The following MYO5A variants were observed in gnomAD, a reference collection of about 807,000 sequenced individuals.
The protein encoded by MYO5A is myosin VA, also known as unconventional myosin-Va.
A neutral mutation model predicts 249.7 loss-of-function variants in MYO5A; 98 were observed. The observed-to-expected ratio is 0.39, with a 90% CI of 0.33 to 0.46. MYO5A has a LOEUF of 0.46. Among genes scored for constraint, MYO5A ranks in the 20% least tolerant of loss-of-function variants. The pLI, the probability that MYO5A is intolerant of heterozygous loss-of-function variation, is 0.98. For missense variants in MYO5A, 1,696 were observed against 2,308.8 expected, an observed-to-expected ratio of 0.73 and a Z score of 5.44; for synonymous variants, 778 against 810.6, an observed-to-expected ratio of 0.96 and a Z score of 0.68.
intron 4 of MYO5A, among the ~76,000 whole-genome samples, chr15:52,421,166 G>A (rs1276045863): frequency 3.9e-5 from 6 of 152,154 alleles, no homozygotes; most frequent in Non-Finnish European, 8.8e-5. Flanking sequence ...TAGCATCACA[G>A]GGCAGCTGAG....
chr15:52,348,856 A>C (rs771927750), intron 28 of MYO5A, 30 bp from the exon 29 acceptor site: 1 of 1,605,476 alleles, frequency 6.2e-7, no homozygotes, highest in Admixed American at 1.7e-5. Flanking sequence ...AAGCACAAAA[A>C]ACAGAGAAAA....
intron 1 of MYO5A, among the ~76,000 whole-genome samples, chr15:52,462,399 AT>A (rs1359723761): frequency 2.0e-5 from 3 of 152,222 alleles, no homozygotes; most frequent in Non-Finnish European, 4.4e-5. Context: ...GCACAACTGT[AT>A]GCATACTAAG....
intron 9 of MYO5A, among the ~76,000 whole-genome samples, chr15:52,403,622 G>A (rs1409735785): frequency 6.6e-6 from 1 of 152,188 alleles, no homozygotes; most frequent in Non-Finnish European, 1.5e-5. Context: ...TAAACTGACT[G>A]TGGTGATGGT....
intron 23 of MYO5A, among the ~76,000 whole-genome samples, chr15:52,366,563 T>C (rs2040815264): frequency 7.0e-6 from 1 of 143,190 alleles, no homozygotes; most frequent in South Asian, 2.2e-4. Context: ...TTCTCTATTT[T>C]AAAAATTAGT....
chr15:52,527,345 T>C (rs1346067558), intron 1 of MYO5A, among the ~76,000 whole-genome samples: 1 of 152,214 alleles, frequency 6.6e-6, no homozygotes, highest in Non-Finnish European at 1.5e-5. Flanking sequence ...TAAGTTACTT[T>C]TAATCAGTTT....
intron 2 of MYO5A, among the ~76,000 whole-genome samples, chr15:52,428,942 A>G (rs2075456893): frequency 6.6e-6 from 1 of 152,210 alleles, no homozygotes; most frequent in Admixed American, 6.5e-5. Context: ...CTAGGATCAG[A>G]TTGCCCAGGA....
At chr15:52,378,293 C>T (rs1267604380) in intron 18 of MYO5A, among the ~76,000 whole-genome samples, 3 of 151,708 alleles carry the variant, frequency 2.0e-5, no homozygotes, top group East Asian at 1.9e-4. Flanking sequence ...GAGGCCGAGG[C>T]GGGCAGATCA....
intron 1 of MYO5A, among the ~76,000 whole-genome samples, chr15:52,520,397 T>C (rs1209411149): frequency 6.6e-6 from 1 of 152,072 alleles, no homozygotes; most frequent in Admixed American, 6.5e-5. Flanking sequence ...TGACCAGAAT[T>C]CCTCTATCAG....
chr15:52,388,304 G>C (rs2042055915), intron 13 of MYO5A, among the ~76,000 whole-genome samples: 1 of 152,206 alleles, frequency 6.6e-6, no homozygotes, highest in South Asian at 2.1e-4. Context: ...GCAGGAGTGA[G>C]AATCAGAAGG....
chr15:52,380,910 T>C (rs763408609), intron 16 of MYO5A, among the ~76,000 whole-genome samples: 1 of 152,362 alleles, frequency 6.6e-6, no homozygotes, highest in South Asian at 2.1e-4. Context: ...TGGAGATTTC[T>C]CTAACAGGAA....
At chr15:52,420,531 G>T (rs2043738201) in intron 4 of MYO5A, among the ~76,000 whole-genome samples, 1 of 151,848 alleles carries the variant, frequency 6.6e-6, no homozygotes, top group Non-Finnish European at 1.5e-5. Context: ...TATCAACCTT[G>T]CTCTTTCTTG....
chr15:52,468,274 C>T (rs184558794), intron 1 of MYO5A, among the ~76,000 whole-genome samples: 1 of 152,254 alleles, frequency 6.6e-6, no homozygotes, highest in Admixed American at 6.5e-5. Flanking sequence ...TGTACACCAG[C>T]CTGGGTGACA....
Position 52,346,366 on chromosome 15 carries a change from T to G in MYO5A, c.3954A>C (p.Thr1318=). 6.4e-7 allele frequency: 1 copy of G among 1,574,774 alleles called. No homozygotes were observed. The highest frequency in any genetic ancestry group is 8.7e-7 in the Non-Finnish European group (1 of 1,145,756). ...IAQAYIGLKE[T]NRSSALDYHE... ...TAAAAGAAGGATCAACTTACCTATTTGTTTCTTTCAAACCAATGTATGCTT... is the reference window on the plus strand; with the variant it reads ...TAAAAGAAGGATCAACTTACCTATTGGTTTCTTTCAAACCAATGTATGCTT... Residue 1318 remains threonine, a synonymous_variant, in exon 30 of 42, where the codon ACA becomes ACC. Transcript: ENST00000399233.
At chr15:52,391,724 C>T (rs2042245477) in intron 12 of MYO5A, among the ~76,000 whole-genome samples, 1 of 152,250 alleles carries the variant, frequency 6.6e-6, no homozygotes, top group South Asian at 2.1e-4. Flanking sequence ...TTAGAATCAG[C>T]TGAAAAGAGG....
chr15:52,524,261 A>G (rs1268396710), intron 1 of MYO5A, among the ~76,000 whole-genome samples: 1 of 152,254 alleles, frequency 6.6e-6, no homozygotes. Context: ...ACTTTTTTAA[A>G]ATTAAAAATA....
intron 1 of MYO5A, among the ~76,000 whole-genome samples, chr15:52,493,675 A>T (rs2076980688): frequency 6.6e-6 from 1 of 152,124 alleles, no homozygotes; most frequent in Non-Finnish European, 1.5e-5. Context: ...AAAAAAAGAA[A>T]AAAAATGTAT....
intron 22 of MYO5A, 145 bp downstream of exon 22, chr15:52,370,024 G>T: frequency 9.2e-7 from 1 of 1,084,904 alleles, no homozygotes; most frequent in Non-Finnish European, 1.4e-6. Context: ...TAAATGCTTG[G>T]GAAACAGTAA....
intron 37 of MYO5A, among the ~76,000 whole-genome samples, chr15:52,321,756 T>C (rs1364487264): frequency 1.0e-5 from 1 of 97,360 alleles, no homozygotes; most frequent in East Asian, 2.9e-4. Flanking sequence ...GTCTTCCCAA[T>C]AGCAATGTCA....
chr15:52,436,823 A>C (rs2075673782), intron 1 of MYO5A, among the ~76,000 whole-genome samples: 1 of 135,190 alleles, frequency 7.4e-6, no homozygotes, highest in Non-Finnish European at 1.5e-5. Context: ...TATTATTACC[A>C]ACACATACAA....
Sources: gnomAD v4.1 joint callset for allele counts (sites outside exome capture counted in the v4.1 genomes callset) on GRCh38, gnomAD v4.1.1 for gene constraint, MANE v1.5 for transcripts, NCBI Gene and HGNC (gene_info 2026-07-23, HGNC 2026-07-21) for gene names.